The following FSTL5 variants were observed in gnomAD, a reference collection of about 807,000 sequenced individuals.
FSTL5 encodes the protein follistatin like 5.
FSTL5 carries 62 observed loss-of-function variants against 89.1 expected under a neutral mutation model. That is an observed-to-expected ratio of 0.70 (90% CI 0.57 to 0.86). The LOEUF is 0.86. Ranked by LOEUF, FSTL5 falls within the 40% of genes least tolerant of loss-of-function variation. The pLI, the probability that FSTL5 is intolerant of heterozygous loss-of-function variation, is 0.00. For missense variants in FSTL5, 1,057 were observed against 1,001.6 expected, an observed-to-expected ratio of 1.06 and a Z score of -0.75; for synonymous variants, 383 against 346.2, an observed-to-expected ratio of 1.11 and a Z score of -1.18.
chr4:161,682,767 G>T (rs1737568140), intron 6 of FSTL5, among the ~76,000 whole-genome samples: 1 of 151,654 alleles, frequency 6.6e-6, no homozygotes, highest in African/African-American at 2.4e-5. Flanking sequence ...TATTTTTTGA[G>T]ATGGAGTCTC....
intron 3 of FSTL5, among the ~76,000 whole-genome samples, chr4:161,946,002 A>T (rs972801212): frequency 6.6e-6 from 1 of 152,170 alleles, no homozygotes; most frequent in African/African-American, 2.4e-5. Flanking sequence ...TCTGACCAAC[A>T]ATATTGCATT....
chr4:161,468,609 GT>G (rs1353967041), intron 13 of FSTL5, among the ~76,000 whole-genome samples: 1 of 151,946 alleles, frequency 6.6e-6, no homozygotes, highest in Admixed American at 6.6e-5. Context: ...CAAGATTATT[GT>G]TTTTTGTTTC....
chr4:161,604,766 C>T (rs1734378499), intron 7 of FSTL5, among the ~76,000 whole-genome samples: 1 of 152,096 alleles, frequency 6.6e-6, no homozygotes, highest in African/African-American at 2.4e-5. Flanking sequence ...TGCTTTTTAT[C>T]AAGCACTGTT....
chr4:161,969,684 A>T (rs1367939093), intron 3 of FSTL5, among the ~76,000 whole-genome samples: 1 of 152,288 alleles, frequency 6.6e-6, no homozygotes, highest in East Asian at 1.9e-4. Flanking sequence ...TTTCCTGTGC[A>T]AATGAGAAAG....
chr4:161,549,757 C>A (rs1053951358), intron 8 of FSTL5, among the ~76,000 whole-genome samples: 4 of 151,980 alleles, frequency 2.6e-5, no homozygotes, highest in Admixed American at 6.6e-5. Flanking sequence ...AACTACCTGA[C>A]ATCCTTTTCT....
At chr4:162,152,686 A>G (rs1338478430) in intron 1 of FSTL5, among the ~76,000 whole-genome samples, 1 of 152,132 alleles carries the variant, frequency 6.6e-6, no homozygotes, top group Non-Finnish European at 1.5e-5. Context: ...ATACCAGCTC[A>G]CTCAATCATT....
At chr4:162,032,269 G>A (rs1040882079) in intron 3 of FSTL5, among the ~76,000 whole-genome samples, 1 of 152,032 alleles carries the variant, frequency 6.6e-6, no homozygotes, top group African/African-American at 2.4e-5. Flanking sequence ...CCCTTCATGA[G>A]AAGGAAGATG....
At chr4:161,520,119 G>A (rs1390844227) in intron 10 of FSTL5, among the ~76,000 whole-genome samples, 1 of 151,890 alleles carries the variant, frequency 6.6e-6, no homozygotes, top group Non-Finnish European at 1.5e-5. Flanking sequence ...TCATTGCAGA[G>A]AACAGAATCA....
intron 7 of FSTL5, among the ~76,000 whole-genome samples, chr4:161,643,438 A>AC (rs1345748085): frequency 6.6e-6 from 1 of 151,396 alleles, no homozygotes; most frequent in East Asian, 1.9e-4. Flanking sequence ...TGTTTCTGAA[A>AC]TTATTTTATA....
At chr4:161,973,596 T>G (rs1191075088) in intron 3 of FSTL5, among the ~76,000 whole-genome samples, 1 of 152,172 alleles carries the variant, frequency 6.6e-6, no homozygotes, top group Non-Finnish European at 1.5e-5. Context: ...AAAAACAGTT[T>G]TATGCCTGTT....
At chr4:161,805,434 G>A (rs1036007895) in intron 4 of FSTL5, among the ~76,000 whole-genome samples, 1 of 152,088 alleles carries the variant, frequency 6.6e-6, no homozygotes, top group South Asian at 2.1e-4. Context: ...AGAGGAGAAT[G>A]GTATGGTAAT....
At chr4:161,757,326 C>T (rs998254378) in intron 6 of FSTL5, among the ~76,000 whole-genome samples, 3 of 151,946 alleles carry the variant, frequency 2.0e-5, no homozygotes, top group African/African-American at 7.3e-5. Flanking sequence ...ACACCTATTT[C>T]CTTCTATCTT....
At chr4:161,579,149 G>A (rs764401433) in intron 8 of FSTL5, among the ~76,000 whole-genome samples, 6 of 152,090 alleles carry the variant, frequency 3.9e-5, no homozygotes, top group Non-Finnish European at 5.9e-5. Context: ...TATAACATAC[G>A]TAGAAGTTAA....
intron 4 of FSTL5, among the ~76,000 whole-genome samples, chr4:161,786,906 T>A (rs1741925126): frequency 6.6e-6 from 1 of 152,160 alleles, no homozygotes; most frequent in South Asian, 2.1e-4. Flanking sequence ...GTATTACACA[T>A]TGCATATTTG....
intron 5 of FSTL5, among the ~76,000 whole-genome samples, chr4:161,773,566 T>C (rs992428639): frequency 3.3e-5 from 5 of 152,128 alleles, no homozygotes; most frequent in African/African-American, 1.2e-4. Context: ...AAAGAAGATA[T>C]ACAAATGGCC....
intron 6 of FSTL5, among the ~76,000 whole-genome samples, chr4:161,716,806 AC>A (rs1739002112): frequency 6.6e-6 from 1 of 152,134 alleles, no homozygotes; most frequent in East Asian, 1.9e-4. Context: ...CTGGACAGTG[AC>A]TAAGGTATAA....
rs1733313089 is a variant in FSTL5, at chr4:162,153,595, A to G, written c.-17+10020T>C. Among the ~76,000 whole-genome samples, 4 of 143,964 alleles carry G rather than the reference A, an allele frequency of 2.8e-5. No homozygotes were observed. In the Admixed American group the frequency reaches 2.9e-4, roughly 10 times the overall value. 94.4% of individuals were successfully genotyped at this position (143,964 alleles called of 152,430 possible). On this transcript the variant is annotated intron_variant, in intron 1 of 15. Transcript: ENST00000306100. The stretch of plus-strand genomic sequence containing the variant: ...TATTTCTCTTAAAATAACTATATAT[A>G]TGTGTGTGTATATATATGTATATTA...
intron 7 of FSTL5, among the ~76,000 whole-genome samples, chr4:161,633,634 C>T (rs981272923): frequency 1.4e-4 from 21 of 151,966 alleles, no homozygotes; most frequent in Admixed American, 1.1e-3. Flanking sequence ...TGTGAACCAC[C>T]GCACCCAGCC....
chr4:161,700,030 T>C (rs976664399), intron 6 of FSTL5, among the ~76,000 whole-genome samples: 6 of 152,244 alleles, frequency 3.9e-5, no homozygotes, highest in Non-Finnish European at 8.8e-5. Flanking sequence ...TTTATGGCAC[T>C]TTATGGAATT....
Sources: allele counts gnomAD v4.1 joint callset (sites outside exome capture counted in the v4.1 genomes callset), GRCh38; gene constraint gnomAD v4.1.1; transcripts MANE v1.5; gene names NCBI Gene and HGNC (gene_info 2026-07-23, HGNC 2026-07-21).